Variants in MARK3 observed in about 807,000 individuals in gnomAD.
The protein encoded by MARK3 is MAP/microtubule affinity-regulating kinase 3.
A neutral mutation model predicts 90.1 loss-of-function variants in MARK3; 46 were observed. That is an observed-to-expected ratio of 0.51 (90% CI 0.40 to 0.65). The LOEUF (loss-of-function observed/expected upper bound fraction) is 0.65. Ranked by LOEUF, MARK3 falls within the 30% of genes least tolerant of loss-of-function variation. The pLI is 0.00. For missense variants in MARK3, 818 were observed against 947.2 expected (o/e 0.86, Z 1.79); for synonymous variants, 321 against 332.6 (o/e 0.97, Z 0.38).
At chr14:103,418,577 A>T (rs1010410908) in intron 2 of MARK3, among the ~76,000 whole-genome samples, 29 of 152,124 alleles carry the variant, frequency 1.9e-4, no homozygotes, top group African/African-American at 6.5e-4. Context: ...CCCCTCAGTC[A>T]CTTAGTCCTC....
intron 15 of MARK3, among the ~76,000 whole-genome samples, chr14:103,492,761 C>T (rs916619867): frequency 2.0e-5 from 3 of 152,148 alleles, no homozygotes; most frequent in Non-Finnish European, 2.9e-5. Context: ...ACTTCATTTC[C>T]GTAACCTTGT....
rs141760276 is a variant in MARK3, at chr14:103,471,040, G to A, written c.1264+2854G>A. Among the ~76,000 whole-genome samples, 313 of 152,236 alleles carry A rather than the reference G, an allele frequency of 2.1e-3. No individual in the cohort carries two copies. In the Middle Eastern group the frequency reaches 0.027, roughly 13 times the overall value. ...AACTCATTCTCACATCAGGATTTGT[G>A]CTCCTAGCATTTGTAGGTGACGTGT... On this transcript the variant is annotated intron_variant, in intron 12 of 17. Coordinates refer to ENST00000429436, the MANE Select transcript of MARK3 (RefSeq NM_001128918.3).
At chr14:103,452,120 A>C (rs186793863) in intron 5 of MARK3, 137 bp downstream of exon 5, 14 of 560,504 alleles carry the variant, frequency 2.5e-5, no homozygotes, top group African/African-American at 1.5e-4. Context: ...TGAGAGTCGG[A>C]AAAGCTGACT....
At chr14:103,475,823 T>C (rs1259597473) in intron 13 of MARK3, among the ~76,000 whole-genome samples, 1 of 151,834 alleles carries the variant, frequency 6.6e-6, no homozygotes, top group Non-Finnish European at 1.5e-5. Context: ...CAGGCACCTG[T>C]AATCCCAGCT....
intron 4 of MARK3, among the ~76,000 whole-genome samples, chr14:103,449,768 T>A (rs1281370648): frequency 2.0e-5 from 3 of 152,200 alleles, no homozygotes; most frequent in Non-Finnish European, 2.9e-5. Context: ...ATAGGGCTTT[T>A]AAAAAATTAC....
At chr14:103,450,947 T>C (rs1039489154) in intron 4 of MARK3, among the ~76,000 whole-genome samples, 1 of 74,928 alleles carries the variant, frequency 1.3e-5, no homozygotes, top group African/African-American at 6.1e-5. Flanking sequence ...TTTTTTTTTT[T>C]TGAGACAGGG....
At chr14:103,412,427 G>C in intron 2 of MARK3, 1 of 577,534 alleles carries the variant, frequency 1.7e-6, no homozygotes. Flanking sequence ...CTTTATCAGA[G>C]ACTCTGAAGC....
chr14:103,399,826 G>A (rs1235587244), intron 1 of MARK3, among the ~76,000 whole-genome samples: 1 of 151,862 alleles, frequency 6.6e-6, no homozygotes, highest in African/African-American at 2.4e-5. Flanking sequence ...TTTCTGTCAT[G>A]TTTGAGACCC....
At chr14:103,463,479 G>A (rs905315375) in intron 7 of MARK3, among the ~76,000 whole-genome samples, 1 of 152,134 alleles carries the variant, frequency 6.6e-6, no homozygotes. Context: ...GGTGCAGCAG[G>A]TTCAAATCCT....
intron 6 of MARK3, chr14:103,458,661 C>T (rs2093332557): frequency 1.6e-6 from 1 of 630,898 alleles, no homozygotes; most frequent in Non-Finnish European, 2.8e-6. Context: ...ACAAGGCCTA[C>T]ATTGAAATGG....
At chr14:103,389,140 G>T (rs949819735) in intron 1 of MARK3, among the ~76,000 whole-genome samples, 1 of 151,920 alleles carries the variant, frequency 6.6e-6, no homozygotes, top group African/African-American at 2.4e-5. Flanking sequence ...TGAGGCTGGC[G>T]GATCACGAGG....
At chr14:103,494,236 C>CAAA (rs71126032) in intron 15 of MARK3, among the ~76,000 whole-genome samples, 21 of 79,860 alleles carry the variant, frequency 2.6e-4, no homozygotes, top group African/African-American at 8.9e-4. Context: ...GACTCCATCT[C>CAAA]AAAAAAAAAA....
intron 12 of MARK3, among the ~76,000 whole-genome samples, chr14:103,470,542 G>A (rs572812250): frequency 7.5e-6 from 1 of 132,528 alleles, no homozygotes. Flanking sequence ...TGCAACCTCC[G>A]CCTCCTGGGT....
chr14:103,482,208 T>G (rs548606577), intron 14 of MARK3, among the ~76,000 whole-genome samples: 4 of 152,236 alleles, frequency 2.6e-5, no homozygotes, highest in African/African-American at 9.6e-5. Context: ...TGTTACAGAT[T>G]GTAGTCTACA....
chr14:103,500,272 T>G (rs185611760), intron 17 of MARK3, 72 bp downstream of exon 17: 3 of 1,113,440 alleles, frequency 2.7e-6, no homozygotes, highest in African/African-American at 3.1e-5. Context: ...GGCGACTATT[T>G]TCTGAATGTT....
intron 6 of MARK3, among the ~76,000 whole-genome samples, chr14:103,460,071 A>ATTTTTTT (rs1566882596): frequency 1.3e-4 from 6 of 45,568 alleles, no homozygotes; most frequent in African/African-American, 2.6e-4. Flanking sequence ...TTCCAGCTCC[A>ATTTTTTT]TCTTTTTTTT....
chr14:103,499,262 C>T (rs1273526277), intron 16 of MARK3: 1 of 151,984 alleles, frequency 6.6e-6, no homozygotes, highest in East Asian at 1.9e-4. Context: ...AGTTCAAGAC[C>T]ATCCTGGACA....
At chr14:103,477,761 G>A (rs2093739915) in intron 13 of MARK3, among the ~76,000 whole-genome samples, 1 of 152,018 alleles carries the variant, frequency 6.6e-6, no homozygotes, top group South Asian at 2.1e-4. Flanking sequence ...TGAGGTGGGA[G>A]GATCACTTGA....
At chr14:103,415,150 C>CAAAAAAA (rs34245934) in intron 2 of MARK3, among the ~76,000 whole-genome samples, 3 of 37,702 alleles carry the variant, frequency 8.0e-5, no homozygotes, top group African/African-American at 2.0e-4. Context: ...GACCTTGTCT[C>CAAAAAAA]AAAAAAAAAA....
Sources: gnomAD v4.1 joint callset for allele counts (sites outside exome capture counted in the v4.1 genomes callset) on GRCh38, gnomAD v4.1.1 for gene constraint, MANE v1.5 for transcripts, NCBI Gene and HGNC (gene_info 2026-07-23, HGNC 2026-07-21) for gene names.